Variants in FASN observed in about 807,000 individuals in gnomAD.
The protein encoded by FASN is 3-hydroxyacyl-[acyl-carrier-protein] dehydratase.
Under a neutral mutation model 250.0 loss-of-function variants are expected in FASN, and 50 were observed. That is an observed-to-expected ratio of 0.20 (90% confidence interval 0.16 to 0.25). FASN has a LOEUF of 0.25. FASN is among the 10% of genes least tolerant of loss of function. The pLI is 1.00. For synonymous variants in FASN, 1,909 were observed against 1,584.0 expected, an observed-to-expected ratio of 1.21 and a Z score of -4.87; for missense variants, 3,031 against 3,498.5, an observed-to-expected ratio of 0.87 and a Z score of 3.37.
In FASN at chr17:82,080,458, T is replaced by C. The variant is rs779191690; in HGVS notation, c.6959A>G (p.Gln2320Arg). The change falls in exon 40 of 43, where the codon CAG becomes CGG. Residue 2320 changes from glutamine to arginine, a missense_variant. Transcript: ENST00000306749. ...GACVAFEMCS[Q>R]LQAQQSPAPT... ...GGCTGGGCTCTGCTGGGCCTGCAGC[T>C]GGGAGCACATTTCAAAGGCCACGCA... is the stretch of plus-strand genomic sequence containing the variant. 2 of 1,590,244 alleles carry C rather than the reference T, an allele frequency of 1.3e-6. No homozygotes were observed. Among genetic ancestry groups the C allele is most frequent in the Non-Finnish European group, 8.6e-7 (1 of 1,169,128 alleles).
chr17:82,084,435 GGCTCCC>G (rs2034050555), intron 27 of FASN, 51 bp from the exon 28 acceptor site: 1 of 1,586,504 alleles, frequency 6.3e-7, no homozygotes, highest in Non-Finnish European at 8.6e-7. Context: ...CCTCCCGAGG[GGCTCCC>G]AGGCAGGTCC....
At position 82,090,513 on chromosome 17, in the gene FASN, C is replaced by T. The variant is rs1043846212; in HGVS notation, c.1732G>A (p.Val578Ile). Residue 578 changes from valine (V) to isoleucine (I), a missense_variant, in exon 11 of 43, where the codon GTC becomes ATC. Physicochemically the swap from Val to Ile is conservative, Grantham distance 29 (BLOSUM62 3). Coordinates refer to ENST00000306749, the MANE Select transcript of FASN (RefSeq NM_004104.5). ...SCMGLRPDGIVGHSLGEVACG... is the reference protein window; with the variant it reads ...SCMGLRPDGIIGHSLGEVACG... ...GCCACCTCCCCCAGGGAGTGGCCGA[C>T]GATGCCATCTGGCCTCAGCCCCATG... 9.9e-6 allele frequency: 16 copies of T among 1,611,580 alleles called. No individual in the cohort carries two copies. The highest frequency in any genetic ancestry group is 2.2e-5 in the East Asian group (1 of 44,854).
Position 82,091,350 on chromosome 17 carries a change from T to C in FASN, c.1364A>G (p.Asn455Ser), listed in dbSNP as rs1313469038. Residue 455 changes from asparagine to serine, a missense_variant, in exon 9 of 43, where the codon AAC (asparagine) becomes AGC (serine). Asn to Ser is a conservative substitution (Grantham distance 46). Transcript: ENST00000306749. ...GGTGGCGGGGACAGCCGCGATGTCG[T>C]TCAGCATGCTCAGGAAAGCCAGGTC... The part of the protein sequence containing the change: ...SQDLAFLSML[N>S]DIAAVPATAM... 1 of 1,610,950 alleles carries C rather than the reference T, an allele frequency of 6.2e-7. No individual in the cohort carries two copies. Among genetic ancestry groups the C allele is most frequent in the South Asian group, 1.1e-5 (1 of 90,848 alleles).
Position 82,083,657 on chromosome 17 carries a change from C to T in FASN, c.5219-18G>A. The stretch of plus-strand genomic sequence containing the variant: ...GTCAACGCCTAGGGGGCCAGAGGGG[C>T]CAGACAATCACACCCACTGCAAGCC... On this transcript the variant is annotated intron_variant, in intron 30 of 42. Coordinates refer to ENST00000306749, the MANE Select transcript of FASN (RefSeq NM_004104.5). The T allele has an allele frequency of 2.5e-6, 4 of 1,604,824 alleles. No homozygotes were observed. Among genetic ancestry groups the T allele is most frequent in the Middle Eastern group, 1.7e-4 (1 of 6,048 alleles).
At position 82,085,418 on chromosome 17, in the gene FASN, T is replaced by TCAG. The variant is rs746714451; in HGVS notation, c.4123-19_4123-17dup. 3.7e-6 allele frequency: 6 copies of TCAG among 1,606,782 alleles called. No individual in the cohort carries two copies. The South Asian group carries it at 6.7e-5, about 18-fold the overall frequency. On this transcript the variant is annotated splice_polypyrimidine_tract_variant and intron_variant, in intron 23 of 42. Transcript: ENST00000306749. ...CCCACGCGTCCTGTGGGGGCGGTGG[T>TCAG]CAGCACCCTGCCCGCCTGGCCCTCA...
intron 1 of FASN, 137 bp downstream of exon 1, chr17:82,097,984 G>A (rs2144816063): frequency 3.5e-6 from 1 of 285,240 alleles, no homozygotes; most frequent in African/African-American, 2.2e-5. Flanking sequence ...CGGACAGGCC[G>A]CCCAGGCGAC....
At position 82,087,833 on chromosome 17, in the gene FASN, G is replaced by C; in HGVS notation, c.2895C>G (p.Asp965Glu). Residue 965 changes from aspartate to glutamate, a missense_variant, in exon 19 of 43, where the codon GAC becomes GAG. Physicochemically the swap from Asp to Glu is conservative, Grantham distance 45. Coordinates refer to ENST00000306749, the MANE Select transcript of FASN (RefSeq NM_004104.5). ...TTTCCGGGTGGTCGAAGAGCCTGGG[G>C]TCAGGGTCATCCCACTGGTACACCT... ...SGKVYQWDDP[D>E]PRLFDHPESP... 6.2e-7 allele frequency: 1 copy of C among 1,612,664 alleles called. No individual in the cohort carries two copies. Among genetic ancestry groups the C allele is most frequent in the Non-Finnish European group, 8.5e-7 (1 of 1,179,912 alleles).
intron 21 of FASN, 32 bp downstream of exon 21, chr17:82,087,018 G>T (rs1164036730): frequency 1.2e-6 from 2 of 1,608,472 alleles, no homozygotes; most frequent in Non-Finnish European, 1.7e-6. Context: ...CATCGCCAGA[G>T]GTGTCCGAAG....
In FASN at chr17:82,092,500, G is replaced by A; in HGVS notation, c.984C>T (p.Asn328=). 1 of 1,599,136 alleles carries A rather than the reference G, an allele frequency of 6.3e-7. No homozygotes were observed. Among genetic ancestry groups the A allele is most frequent in the Non-Finnish European group, 8.5e-7 (1 of 1,175,418 alleles). ...CCGAGGCTGGCTCCGGGTGCCCCAT[G>A]TTGGACTTGGTGGAGCCGATGAGCA... The part of the protein sequence containing the change: ...EPLLIGSTKS[N]MGHPEPASGL... The change falls in exon 8 of 43, where the codon AAC becomes AAT. Residue 328 remains asparagine, a synonymous_variant. Transcript: ENST00000306749.
chr17:82,095,603 C>T, intron 2 of FASN, 131 bp from the exon 3 acceptor site: 1 of 1,143,494 alleles, frequency 8.7e-7, no homozygotes, highest in Non-Finnish European at 1.3e-6. Context: ...GAGGCCCAAA[C>T]AATGGAGCAG....
rs761645737 is a variant in FASN, at chr17:82,089,104, G to A, written c.2169C>T (p.His723=). Residue 723 remains histidine, a synonymous_variant, in exon 14 of 43, where the codon CAC becomes CAT. Transcript: ENST00000306749. The stretch of plus-strand genomic sequence containing the variant: ...CGGAGGACGTGCGTGCCAGGCTGCT[G>A]TGCCACTGGGCCTCGGGGATAGAGG... The part of the protein sequence containing the change: ...LSTSIPEAQW[H]SSLARTSSAE... 3.2e-6 allele frequency: 5 copies of A among 1,570,452 alleles called. 1 individual carries two copies. The South Asian group carries it at 4.6e-5, about 15-fold the overall frequency.
intron 3 of FASN, chr17:82,094,108 G>C (rs940338967): frequency 2.3e-6 from 1 of 429,172 alleles, no homozygotes; most frequent in Non-Finnish European, 4.4e-6. Context: ...ATTGTCCCCA[G>C]GCGACGCCTT....
chr17:82,085,962 C>G (rs558093249), intron 22 of FASN, 91 bp from the exon 23 acceptor site: 1 of 1,401,650 alleles, frequency 7.1e-7, no homozygotes, highest in South Asian at 1.4e-5. Context: ...CTCAGTCTGG[C>G]AGAAAGGCTT....
chr17:82,094,829 G>T (rs972689898), intron 3 of FASN, among the ~76,000 whole-genome samples: 1 of 151,400 alleles, frequency 6.6e-6, no homozygotes, highest in Non-Finnish European at 1.5e-5. Flanking sequence ...AAAAAACGGC[G>T]TGGCGCTTGT....
Position 82,081,062 on chromosome 17 carries a change from G to A in FASN, c.6595+102C>T, listed in dbSNP as rs536171033. 59 of 1,446,878 alleles carry A rather than the reference G, an allele frequency of 4.1e-5. No homozygotes were observed. In the African/African-American group the frequency reaches 4.3e-4, roughly 11 times the overall value. The allele number at this position is 1,446,878 out of a possible 1,614,324, so 89.6% of individuals were successfully genotyped here. On this transcript the variant is annotated intron_variant, in intron 38 of 42. Transcript: ENST00000306749. The stretch of plus-strand genomic sequence containing the variant: ...GGTGGGAACGCTCAGAATGGCACCC[G>A]TGACGAAGGGCGGTATGCCTGCCGG...
In FASN at chr17:82,078,932, G is replaced by C. The variant is rs527752293; in HGVS notation, c.*211C>G. 2.1e-3 allele frequency: 1,339 copies of C among 643,528 alleles called. 6 individuals carry two copies. The highest frequency in any genetic ancestry group is 6.3e-3 in the Middle Eastern group (15 of 2,366). 39.9% of individuals were successfully genotyped at this position (643,528 alleles called of 1,614,324 possible). On this transcript the variant is annotated 3_prime_UTR_variant, in exon 43 of 43. Transcript: ENST00000306749. This position sits in a 1 kb window ranked among gnomAD's most constrained non-coding sequence, Gnocchi z 5.4. ...CTCTTCACAGACCAGGAGTCTCCAA[G>C]TCGGCAGCTCTGGTGTCCCCGAGGT...
At chr17:82,095,504 C>T (rs377375459) in intron 2 of FASN, 32 bp from the exon 3 acceptor site, 20 of 1,608,776 alleles carry the variant, frequency 1.2e-5, no homozygotes, top group Middle Eastern at 2.2e-4. Context: ...AAATCTCTGA[C>T]GGAAGCTGCC....
In FASN at chr17:82,087,789, G is replaced by GTGGGGT. The variant is rs1568111859; in HGVS notation, c.2933_2938dup (p.Asn978_Pro979dup). 1.2e-6 allele frequency: 2 copies of GTGGGGT among 1,612,620 alleles called. No homozygotes were observed. The highest frequency in any genetic ancestry group is 1.3e-5 in the African/African-American group (1 of 75,046). On this transcript the variant is annotated inframe_insertion, in exon 19 of 43. Coordinates refer to ENST00000306749, the MANE Select transcript of FASN (RefSeq NM_004104.5). ...AGCCTGGGCCAGGAAGAGGGGCTCC[G>GTGGGGT]TGGGGTTGGGGGTGGGGCTTTCCGG...
intron 22 of FASN, 35 bp downstream of exon 22, chr17:82,086,219 C>A (rs751307608): frequency 6.5e-7 from 1 of 1,539,278 alleles, no homozygotes; most frequent in South Asian, 1.2e-5. Flanking sequence ...CTACCATGTC[C>A]GGGGCAGAGG....
Sources: allele counts gnomAD v4.1 joint callset (sites outside exome capture counted in the v4.1 genomes callset), GRCh38; gene constraint gnomAD v4.1.1; non-coding constraint Gnocchi (gnomAD v3.1); transcripts MANE v1.5; gene names NCBI Gene and HGNC (gene_info 2026-07-23, HGNC 2026-07-21).